Variants in CREBBP observed in about 807,000 individuals in gnomAD.
CREBBP encodes CREB-binding protein.
CREBBP carries 19 observed loss-of-function variants against 265.0 expected under a neutral mutation model. That is an observed-to-expected ratio of 0.07 (90% CI 0.05 to 0.11). The LOEUF is 0.11. CREBBP is among the 10% of genes least tolerant of loss of function. The probability of loss-of-function intolerance (pLI) is 1.00; values close to 1 mark genes in which losing one functional copy is unlikely to be tolerated. For synonymous variants in CREBBP, 1,457 were observed against 1,223.7 expected, an observed-to-expected ratio of 1.19 and a Z score of -3.98; for missense variants, 2,525 against 3,219.0, an observed-to-expected ratio of 0.78 and a Z score of 5.22.
In CREBBP at chr16:3,740,539, G is replaced by C. The variant is rs2151341239; in HGVS notation, c.3993C>G (p.Thr1331=). ...CTTCCAAGTGGTTTCCCAGTCTTGTGGTCTGCAGCCCTAGGAAGTCCAGAA... is the reference window on the plus strand; with the variant it reads ...CTTCCAAGTGGTTTCCCAGTCTTGTCGTCTGCAGCCCTAGGAAGTCCAGAA... ...ENKFSAKRLQ[T]TRLGNHLEDR... Residue 1331 remains threonine, a synonymous_variant, in exon 24 of 31, where the codon ACC becomes ACG. Transcript: ENST00000262367. 1.2e-6 allele frequency: 2 copies of C among 1,614,162 alleles called. No individual in the cohort carries two copies. The highest frequency in any genetic ancestry group is 1.7e-6 in the Non-Finnish European group (2 of 1,180,030).
chr16:3,766,651 G>A (rs1276032491), intron 16 of CREBBP, among the ~76,000 whole-genome samples: 1 of 151,698 alleles, frequency 6.6e-6, no homozygotes, highest in South Asian at 2.1e-4. Flanking sequence ...TCCGCTTCTC[G>A]AGCAGCTAGA....
In CREBBP at chr16:3,773,812, G is replaced by A. The variant is rs2141215304; in HGVS notation, c.2402C>T (p.Ser801Leu). ...GCCCACACTCATCGCCCCGCTGGATGACGGGAACTGGTTCTGTGGCAGAAA... is the reference window on the plus strand; with the variant it reads ...GCCCACACTCATCGCCCCGCTGGATAACGGGAACTGGTTCTGTGGCAGAAA... ...SQFLPQNQFPSSSGAMSVGMG... is the reference protein window; with the variant it reads ...SQFLPQNQFPLSSGAMSVGMG... The change falls in exon 13 of 31, where the codon TCA becomes TTA. Residue 801 changes from serine to leucine, a missense_variant. By Grantham distance (145) the Ser-to-Leu change is moderately radical. Around this residue, in one of 19 missense-constraint regions of CREBBP, gnomAD observed 548 missense variants for 533.0 expected, o/e 1.03. Coordinates refer to ENST00000262367, the MANE Select transcript of CREBBP (RefSeq NM_004380.3). 2 of 1,613,298 alleles carry A rather than the reference G, an allele frequency of 1.2e-6. No homozygotes were observed. The highest frequency in any genetic ancestry group is 1.7e-6 in the Non-Finnish European group (2 of 1,180,030).
At chr16:3,765,821 T>TG (rs2052838180) in intron 16 of CREBBP, among the ~76,000 whole-genome samples, 1 of 152,098 alleles carries the variant, frequency 6.6e-6, no homozygotes, top group Non-Finnish European at 1.5e-5. Flanking sequence ...CTAATTTTTT[T>TG]TTAATAGAGA....
At chr16:3,744,087 AG>A (rs1330520741) in intron 23 of CREBBP, among the ~76,000 whole-genome samples, 1 of 152,158 alleles carries the variant, frequency 6.6e-6, no homozygotes, top group East Asian at 1.9e-4. Flanking sequence ...TAAAAAAAAA[AG>A]AAAGTCTACT....
intron 1 of CREBBP, among the ~76,000 whole-genome samples, chr16:3,857,910 G>A (rs1359669792): frequency 2.0e-5 from 3 of 152,214 alleles, no homozygotes; most frequent in African/African-American, 7.2e-5. Flanking sequence ...ATACGAGGCT[G>A]GGAAGACCCA....
At chr16:3,788,002 G>A (rs2053425768) in intron 5 of CREBBP, among the ~76,000 whole-genome samples, 1 of 152,188 alleles carries the variant, frequency 6.6e-6, no homozygotes, top group Non-Finnish European at 1.5e-5. Flanking sequence ...TAAACAATCT[G>A]AGGCACCTAC....
chr16:3,782,554 G>T, intron 6 of CREBBP, 130 bp downstream of exon 6: 1 of 1,238,072 alleles, frequency 8.1e-7, no homozygotes, highest in East Asian at 2.4e-5. Flanking sequence ...CTTTTTCCTG[G>T]GAGATTTTTT....
intron 2 of CREBBP, among the ~76,000 whole-genome samples, chr16:3,846,780 C>G (rs536389828): frequency 1.3e-5 from 2 of 152,294 alleles, no homozygotes; most frequent in Non-Finnish European, 2.9e-5. Context: ...CCACACCCCT[C>G]TCTCTACGCC....
chr16:3,860,438 A>C (rs1452969442), intron 1 of CREBBP, among the ~76,000 whole-genome samples: 1 of 152,022 alleles, frequency 6.6e-6, no homozygotes, highest in Non-Finnish European at 1.5e-5. Flanking sequence ...TCAAACTCCT[A>C]AACTCCTGGA....
At chr16:3,749,257 G>T (rs1555476393) in intron 21 of CREBBP, among the ~76,000 whole-genome samples, 1 of 152,154 alleles carries the variant, frequency 6.6e-6, no homozygotes, top group African/African-American at 2.4e-5. Context: ...TTTCTTTCTG[G>T]TATTTCCCTT....
intron 2 of CREBBP, among the ~76,000 whole-genome samples, chr16:3,812,221 C>G (rs1014669402): frequency 3.3e-5 from 5 of 151,960 alleles, no homozygotes; most frequent in African/African-American, 4.8e-5. Context: ...CTCTGTCACC[C>G]AGGCTGGAGT....
intron 19 of CREBBP, 96 bp from the exon 20 acceptor site, chr16:3,751,902 A>G: frequency 1.7e-6 from 2 of 1,163,786 alleles, no homozygotes; most frequent in Admixed American, 1.9e-5. Flanking sequence ...GCAGAGCACC[A>G]CGACGAAGGG....
intron 1 of CREBBP, among the ~76,000 whole-genome samples, chr16:3,879,536 A>C (rs1186082054): frequency 6.6e-6 from 1 of 152,020 alleles, no homozygotes; most frequent in Non-Finnish European, 1.5e-5. Flanking sequence ...TTACCAAACA[A>C]ACCCACACGC....
At chr16:3,805,420 G>A (rs1424522197) in intron 3 of CREBBP, among the ~76,000 whole-genome samples, 2 of 152,164 alleles carry the variant, frequency 1.3e-5, no homozygotes, top group East Asian at 3.8e-4. Flanking sequence ...TAGGATAGAG[G>A]GAGGTATTAG....
intron 2 of CREBBP, among the ~76,000 whole-genome samples, chr16:3,820,567 T>C (rs779165731): frequency 6.6e-6 from 1 of 152,220 alleles, no homozygotes; most frequent in Non-Finnish European, 1.5e-5. Context: ...CAACTCTCAC[T>C]GTATTTCATT....
intron 14 of CREBBP, among the ~76,000 whole-genome samples, chr16:3,770,032 G>A (rs940769153): frequency 3.3e-5 from 5 of 152,028 alleles, no homozygotes; most frequent in African/African-American, 7.2e-5. Context: ...CATCATGCCC[G>A]GCTAATTTTT....
chr16:3,820,256 G>A (rs1020225790), intron 2 of CREBBP, among the ~76,000 whole-genome samples: 3 of 152,232 alleles, frequency 2.0e-5, no homozygotes, highest in Non-Finnish European at 2.9e-5. Flanking sequence ...GCATTCAGTT[G>A]TCTGCTATCA....
chr16:3,843,265 C>CT (rs923011975), intron 2 of CREBBP, among the ~76,000 whole-genome samples: 5 of 152,000 alleles, frequency 3.3e-5, no homozygotes, highest in Admixed American at 3.3e-4. Flanking sequence ...ACCTCCTATC[C>CT]TTTTTTTAAA....
intron 1 of CREBBP, among the ~76,000 whole-genome samples, chr16:3,852,405 T>C (rs773804127): frequency 1.3e-5 from 2 of 151,748 alleles, no homozygotes; most frequent in Non-Finnish European, 2.9e-5. Flanking sequence ...CCTGACCTCA[T>C]GATCCATGGG....
Sources: gnomAD v4.1 joint callset for allele counts (sites outside exome capture counted in the v4.1 genomes callset) on GRCh38, gnomAD v4.1.1 for gene constraint, gnomAD v4.1.1 regional missense constraint, MANE v1.5 for transcripts, NCBI Gene and HGNC (gene_info 2026-07-23, HGNC 2026-07-21) for gene names.